The following SYNJ2 variants were observed in gnomAD, a reference collection of about 807,000 sequenced individuals.
SYNJ2 encodes the protein polyphosphatidylinositol phosphatase SYNJ2.
Under a neutral mutation model 141.3 loss-of-function variants are expected in SYNJ2, and 116 were observed. That is an observed-to-expected ratio of 0.82 (90% CI 0.71 to 0.96). SYNJ2 has a LOEUF of 0.96. SYNJ2 is among the 40% of genes least tolerant of loss of function. The probability of loss-of-function intolerance (pLI) is 0.00; values close to 1 mark genes in which losing one functional copy is unlikely to be tolerated. For synonymous variants in SYNJ2, 745 were observed against 777.7 expected (o/e 0.96, Z 0.70); for missense variants, 1,873 against 1,934.8 (o/e 0.97, Z 0.60).
At chr6:158,082,865 A>G (rs1414410927) in intron 20 of SYNJ2, among the ~76,000 whole-genome samples, 1 of 152,206 alleles carries the variant, frequency 6.6e-6, no homozygotes, top group Non-Finnish European at 1.5e-5. Flanking sequence ...TATGCAGCTC[A>G]TAGATAGTTT....
At chr6:158,008,258 C>A (rs1353584167) in intron 1 of SYNJ2, among the ~76,000 whole-genome samples, 2 of 152,230 alleles carry the variant, frequency 1.3e-5, no homozygotes, top group Non-Finnish European at 1.5e-5. Context: ...CAGGCATGAG[C>A]CACCACGTCT....
intron 24 of SYNJ2, among the ~76,000 whole-genome samples, chr6:158,089,621 G>A (rs1783299741): frequency 6.6e-6 from 1 of 152,142 alleles, no homozygotes; most frequent in South Asian, 2.1e-4. Context: ...TAATCACCCG[G>A]CTTTGAAGAC....
At chr6:158,081,026 C>G (rs931470709) in intron 18 of SYNJ2, 83 bp from the exon 19 acceptor site, 23 of 1,306,786 alleles carry the variant, frequency 1.8e-5, no homozygotes, top group African/African-American at 2.9e-5. Flanking sequence ...GGACATCTGT[C>G]CCAGGCTAAC....
intron 12 of SYNJ2, 178 bp downstream of exon 12, chr6:158,066,813 C>G (rs374343568): frequency 1.8e-4 from 127 of 691,642 alleles, no homozygotes; most frequent in African/African-American, 8.0e-4. Flanking sequence ...AGTAACTGAC[C>G]TTTTTCCTTT....
chr6:158,043,333 T>C lies in SYNJ2; in HGVS notation c.729T>C (p.Asp243=), dbSNP rs751304160. 1.9e-6 allele frequency: 3 copies of C among 1,613,986 alleles called. No homozygotes were observed. Among genetic ancestry groups the C allele is most frequent in the African/African-American group, 2.7e-5 (2 of 74,922 alleles). The change falls in exon 5 of 27, where the codon GAT becomes GAC. Residue 243 remains aspartate (D), a synonymous_variant. Coordinates refer to ENST00000355585, the MANE Select transcript of SYNJ2 (RefSeq NM_003898.4). This position sits in a 1 kb window ranked among gnomAD's most constrained non-coding sequence, Gnocchi z 4.0. ...VETEQMIYMD[D]GVSSFVQIRG... ...TGCCGCAGATGATTTACATGGACGATGGAGTGTCATCTTTTGTCCAGATCA... is the reference window on the plus strand; with the variant it reads ...TGCCGCAGATGATTTACATGGACGACGGAGTGTCATCTTTTGTCCAGATCA...
chr6:158,085,138 G>C (rs903365913), intron 22 of SYNJ2, among the ~76,000 whole-genome samples: 1 of 151,192 alleles, frequency 6.6e-6, no homozygotes, highest in East Asian at 1.9e-4. Context: ...TCCCACCTCA[G>C]CCTCCCAAGT....
At chr6:158,045,082 T>TCAGTTCAG (rs1780164091) in intron 5 of SYNJ2, among the ~76,000 whole-genome samples, 1 of 149,016 alleles carries the variant, frequency 6.7e-6, no homozygotes, top group African/African-American at 2.5e-5. Flanking sequence ...CCTCTGACTC[T>TCAGTTCAG]CAGTTCAGGG....
At chr6:158,055,646 G>C (rs1408273000) in intron 6 of SYNJ2, among the ~76,000 whole-genome samples, 4 of 151,888 alleles carry the variant, frequency 2.6e-5, no homozygotes, top group African/African-American at 9.7e-5. Flanking sequence ...TAAAAGATTT[G>C]CTTATTTAAT....
upstream of SYNJ2, among the ~76,000 whole-genome samples, chr6:157,981,325 T>C (rs1776992922): frequency 6.6e-6 from 1 of 152,208 alleles, no homozygotes; most frequent in Non-Finnish European, 1.5e-5. This position sits in a 1 kb window ranked among gnomAD's most constrained non-coding sequence, Gnocchi z 6.4. Context: ...GTAACCTTTC[T>C]CCAGCCCGCT....
In SYNJ2 at chr6:158,096,770, G is replaced by T. The variant is rs1783820152; in HGVS notation, c.*406G>T. 1 of 161,596 alleles carries T rather than the reference G, an allele frequency of 6.2e-6. No individual in the cohort carries two copies. The highest frequency in any genetic ancestry group is 1.3e-5 in the Non-Finnish European group (1 of 74,356). 10.0% of individuals were successfully genotyped at this position (161,596 alleles called of 1,614,324 possible). A position where few individuals can be genotyped will look rare whatever the true frequency, so the allele number is the denominator to read the frequency against. ...TACAGATTTGGTATAACATTTTGGGGAGCCACCTGAAGGTTGATGTATAAA... is the reference window on the plus strand; with the variant it reads ...TACAGATTTGGTATAACATTTTGGGTAGCCACCTGAAGGTTGATGTATAAA... On this transcript the variant is annotated 3_prime_UTR_variant, in exon 27 of 27. Transcript: ENST00000355585.
At chr6:158,076,401 G>T (rs1782289995) in intron 16 of SYNJ2, among the ~76,000 whole-genome samples, 1 of 151,438 alleles carries the variant, frequency 6.6e-6, no homozygotes, top group Admixed American at 6.6e-5. Flanking sequence ...TGGAGTGGGT[G>T]GGGAGATAGA....
intron 6 of SYNJ2, 64 bp from the exon 7 acceptor site, chr6:158,059,193 G>A: frequency 6.9e-7 from 1 of 1,453,940 alleles, no homozygotes; most frequent in Middle Eastern, 2.5e-4. Context: ...TTGAGGGGCA[G>A]AACAGGGCAG....
chr6:158,087,416 G>T, intron 23 of SYNJ2, among the ~76,000 whole-genome samples: 1 of 152,166 alleles, frequency 6.6e-6, no homozygotes, highest in Non-Finnish European at 1.5e-5. Context: ...ACCCCTCTGC[G>T]CTCCGAGGCC....
intron 4 of SYNJ2, among the ~76,000 whole-genome samples, chr6:158,037,395 CTTTTTT>C (rs869141011): frequency 7.2e-4 from 79 of 109,082 alleles, no homozygotes; most frequent in African/African-American, 2.9e-3. Flanking sequence ...TTGTCCTCAT[CTTTTTT>C]TTTTTTTTTT....
At chr6:158,088,837 T>G in intron 24 of SYNJ2, 65 bp downstream of exon 24, 1 of 1,141,248 alleles carries the variant, frequency 8.8e-7, no homozygotes, top group South Asian at 1.3e-5. Context: ...GGGATCTCTC[T>G]TCTCAGTGAA....
chr6:158,063,566 G>C (rs1183599458), intron 8 of SYNJ2, among the ~76,000 whole-genome samples: 3 of 150,476 alleles, frequency 2.0e-5, no homozygotes, highest in Admixed American at 6.7e-5. Context: ...GGCTGAGACA[G>C]GAGAATCGCT....
chr6:158,018,258 G>GGGGC (rs1778578694), intron 2 of SYNJ2, among the ~76,000 whole-genome samples: 1 of 152,238 alleles, frequency 6.6e-6, no homozygotes. Context: ...CAGGAGCCCT[G>GGGGC]GGGCTTTAGG....
Position 158,040,710 on chromosome 6 carries a change from A to G in SYNJ2, c.712-2606A>G, listed in dbSNP as rs1779898921. Among the ~76,000 whole-genome samples, 2 of 152,178 alleles carry G rather than the reference A, an allele frequency of 1.3e-5. No individual in the cohort carries two copies. Among genetic ancestry groups the G allele is most frequent in the African/African-American group, 4.8e-5 (2 of 41,434 alleles). On this transcript the variant is annotated intron_variant, in intron 4 of 26. Coordinates refer to ENST00000355585, the MANE Select transcript of SYNJ2 (RefSeq NM_003898.4). This position sits in a 1 kb window ranked among gnomAD's most constrained non-coding sequence, Gnocchi z 4.2. ...GCAGAAAGCCTTTCAGATAGAAGGT[A>G]TATGTACCCCTGTGAGTTTTCCTGC...
rs1051052973 is a variant in SYNJ2, at chr6:158,043,844, G to A, written c.795+445G>A. Among the ~76,000 whole-genome samples, 6 of 152,312 alleles carry A rather than the reference G, an allele frequency of 3.9e-5. No homozygotes were observed. Among genetic ancestry groups the A allele is most frequent in the African/African-American group, 9.6e-5 (4 of 41,564 alleles). On this transcript the variant is annotated intron_variant, in intron 5 of 26. Transcript: ENST00000355585. This position sits in a 1 kb window ranked among gnomAD's most constrained non-coding sequence, Gnocchi z 4.0. ...CCGGTGCTGCCTGTTGTGGGGCCACGTGAGACTTCCACAGCTTTCCCGTGA... is the reference window on the plus strand; with the variant it reads ...CCGGTGCTGCCTGTTGTGGGGCCACATGAGACTTCCACAGCTTTCCCGTGA...
Sources: gnomAD v4.1 joint callset for allele counts (sites outside exome capture counted in the v4.1 genomes callset) on GRCh38, gnomAD v4.1.1 for gene constraint, Gnocchi (gnomAD v3.1) non-coding constraint, MANE v1.5 for transcripts, NCBI Gene and HGNC (gene_info 2026-07-23, HGNC 2026-07-21) for gene names.